NKAIN1: variants seen among roughly 807,000 people sequenced by gnomAD.
NKAIN1 encodes the protein sodium/potassium transporting ATPase interacting 1.
Under a neutral mutation model 31.6 loss-of-function variants are expected in NKAIN1, and 13 were observed. The ratio of observed to expected loss-of-function variants is 0.41; its 90% CI spans 0.27 to 0.65. The LOEUF (loss-of-function observed/expected upper bound fraction) is 0.65, where lower values mean the gene tolerates loss of function less well. Ranked by LOEUF, NKAIN1 falls within the 30% of genes least tolerant of loss-of-function variation. The pLI, the probability that NKAIN1 is intolerant of heterozygous loss-of-function variation, is 0.30. For missense variants in NKAIN1, 193 were observed against 262.2 expected (o/e 0.74, Z 1.82); for synonymous variants, 104 against 109.0 (o/e 0.95, Z 0.28).
At chr1:31,238,769 C>T (rs1410333733) in intron 1 of NKAIN1, among the ~76,000 whole-genome samples, 1 of 152,168 alleles carries the variant, frequency 6.6e-6, no homozygotes, top group Non-Finnish European at 1.5e-5. Context: ...CCACAGCGGC[C>T]AGACCAAAGC....
rs59749604 is a variant in NKAIN1, at chr1:31,233,102, C to A, written c.54+6392G>T. Among the ~76,000 whole-genome samples, 2,048 of 152,254 alleles carry A rather than the reference C, an allele frequency of 0.013. 96 individuals carry two copies. In the East Asian group the frequency reaches 0.15, roughly 11 times the overall value. On this transcript the variant is annotated intron_variant, in intron 1 of 6. Coordinates refer to ENST00000373736, the MANE Select transcript of NKAIN1 (RefSeq NM_024522.3). The surrounding 1 kb of genome is among the most constrained non-coding windows in gnomAD (Gnocchi z 4.0). ...TAGCTGAAATTACAGGTGCCCACCA[C>A]CACGCTCGGCTAATTTTTTGTATTT...
At chr1:31,218,071 T>TCTTTCTC (rs201070152) in intron 1 of NKAIN1, among the ~76,000 whole-genome samples, 2 of 133,710 alleles carry the variant, frequency 1.5e-5, no homozygotes, top group African/African-American at 5.6e-5. Context: ...TTTCTTTCTT[T>TCTTTCTC]TTTTTTTTTG....
At chr1:31,201,080 T>C (rs1570460464) in intron 1 of NKAIN1, among the ~76,000 whole-genome samples, 1 of 152,096 alleles carries the variant, frequency 6.6e-6, no homozygotes, top group African/African-American at 2.4e-5. Flanking sequence ...CGAAGGCGGG[T>C]GGATCACGAG....
intron 1 of NKAIN1, among the ~76,000 whole-genome samples, chr1:31,232,096 T>C (rs1321392599): frequency 3.4e-5 from 5 of 147,574 alleles, no homozygotes; most frequent in Admixed American, 6.8e-5. Context: ...TACCTTTTTG[T>C]TTTTCTTTTT....
chr1:31,216,675 G>A (rs1645514966), intron 1 of NKAIN1, among the ~76,000 whole-genome samples: 2 of 92,770 alleles, frequency 2.2e-5, no homozygotes, highest in Admixed American at 1.1e-4. Flanking sequence ...TCCTAGGAAC[G>A]CCTGTGGCAT....
intron 1 of NKAIN1, among the ~76,000 whole-genome samples, chr1:31,235,979 C>T (rs1337085903): frequency 6.6e-6 from 1 of 152,168 alleles, no homozygotes; most frequent in Non-Finnish European, 1.5e-5. Flanking sequence ...AAGATAATAA[C>T]AATAAGCTAC....
chr1:31,239,434 C>A lies in NKAIN1; in HGVS notation c.54+60G>T, dbSNP rs1645716802. The A allele has an allele frequency of 3.7e-6, 5 of 1,348,094 alleles. No homozygotes were observed. The South Asian group carries it at 7.4e-5, about 20-fold the overall frequency. The allele number at this position is 1,348,094 out of a possible 1,614,324, so 83.5% of individuals were successfully genotyped here. On this transcript the variant is annotated intron_variant, in intron 1 of 6. Coordinates refer to ENST00000373736, the MANE Select transcript of NKAIN1 (RefSeq NM_024522.3). The surrounding 1 kb of genome is among the most constrained non-coding windows in gnomAD (Gnocchi z 4.8). Reference sequence around the variant, plus strand: ...ACACACGCAACCCCACCCGCACGCCCTGGGACCGCGCCCCGCCGCGCCCCA... The same window carrying A: ...ACACACGCAACCCCACCCGCACGCCATGGGACCGCGCCCCGCCGCGCCCCA...
At chr1:31,192,651 C>T (rs943917267) in intron 1 of NKAIN1, among the ~76,000 whole-genome samples, 3 of 151,824 alleles carry the variant, frequency 2.0e-5, no homozygotes, top group Non-Finnish European at 2.9e-5. Context: ...CCGGGGTTCA[C>T]GCCATTCTCC....
chr1:31,223,065 C>A (rs1027292745), intron 1 of NKAIN1, among the ~76,000 whole-genome samples: 10 of 152,100 alleles, frequency 6.6e-5, no homozygotes, highest in Admixed American at 3.3e-4. Flanking sequence ...GGAAAAGCAG[C>A]GGCTCTGGGA....
intron 1 of NKAIN1, among the ~76,000 whole-genome samples, chr1:31,230,284 T>A (rs917636277): frequency 6.6e-6 from 1 of 152,196 alleles, no homozygotes; most frequent in Non-Finnish European, 1.5e-5. Context: ...ATGATCATTA[T>A]CCTGATTTAG....
intron 1 of NKAIN1, among the ~76,000 whole-genome samples, chr1:31,218,627 G>A (rs1045221340): frequency 9.2e-5 from 14 of 152,182 alleles, no homozygotes; most frequent in Non-Finnish European, 2.1e-4. Context: ...ATCACCTCAT[G>A]CTGCTGGGAG....
intron 1 of NKAIN1, among the ~76,000 whole-genome samples, chr1:31,212,921 T>C (rs11582785): frequency 0.67 from 101,881 of 151,628 alleles, 35,138 homozygotes; most frequent in Middle Eastern, 0.86. Flanking sequence ...GGTGTGAAGC[T>C]GGGAGGTGGA....
chr1:31,226,309 CA>C (rs1645603817), intron 1 of NKAIN1, among the ~76,000 whole-genome samples: 1 of 117,424 alleles, frequency 8.5e-6, no homozygotes, highest in South Asian at 2.7e-4. Context: ...CAGAGAAATG[CA>C]GCAAAAAAAA....
chr1:31,213,047 T>G (rs1173882436), intron 1 of NKAIN1, among the ~76,000 whole-genome samples: 1 of 150,310 alleles, frequency 6.7e-6, no homozygotes, highest in Non-Finnish European at 1.5e-5. Context: ...CTTTTGTTTT[T>G]TTTTTTTTTG....
At chr1:31,220,754 C>CAG (rs1553163775) in intron 1 of NKAIN1, among the ~76,000 whole-genome samples, 1 of 58,912 alleles carries the variant, frequency 1.7e-5, no homozygotes, top group Non-Finnish European at 3.3e-5. Flanking sequence ...ACTCCATCTC[C>CAG]AAAAAAAAAA....
At chr1:31,203,375 C>T (rs1475449172) in intron 1 of NKAIN1, among the ~76,000 whole-genome samples, 1 of 144,458 alleles carries the variant, frequency 6.9e-6, no homozygotes, top group African/African-American at 2.4e-5. Flanking sequence ...CAACACAATG[C>T]AGCCATTATG....
rs180770732 is a variant in NKAIN1, at chr1:31,197,824, G to A, written c.55-9637C>T. 2.6e-5 allele frequency among the ~76,000 whole-genome samples: 4 copies of A among 152,266 alleles called. No homozygotes were observed. The South Asian group carries it at 6.2e-4, about 24-fold the overall frequency. ...GGCCTCCCAAAGTGTTGGGATTACA[G>A]GCATGAGCCACTGCACCTGGTGGTT... is the stretch of plus-strand genomic sequence containing the variant. On this transcript the variant is annotated intron_variant, in intron 1 of 6. Transcript: ENST00000373736.
chr1:31,207,330 C>T (rs1476777640), intron 1 of NKAIN1, among the ~76,000 whole-genome samples: 1 of 152,170 alleles, frequency 6.6e-6, no homozygotes, highest in Non-Finnish European at 1.5e-5. Context: ...ATGATGATAA[C>T]AGTACCCATT....
chr1:31,186,404 T>G (rs1461171192), intron 2 of NKAIN1, among the ~76,000 whole-genome samples: 15 of 148,818 alleles, frequency 1.0e-4, no homozygotes, highest in Admixed American at 2.0e-4. Context: ...GTTTTTTTTT[T>G]TTTTTTTTTT....
Sources: gnomAD v4.1 joint callset for allele counts (sites outside exome capture counted in the v4.1 genomes callset) on GRCh38, gnomAD v4.1.1 for gene constraint, Gnocchi (gnomAD v3.1) non-coding constraint, MANE v1.5 for transcripts, NCBI Gene and HGNC (gene_info 2026-07-23, HGNC 2026-07-21) for gene names.